The following SPOCD1 variants were observed in gnomAD, a reference collection of about 807,000 sequenced individuals.
The protein encoded by SPOCD1 is SPOC domain-containing protein 1.
Under a neutral mutation model 92.2 loss-of-function variants are expected in SPOCD1, and 64 were observed. That is an observed-to-expected ratio of 0.69 (90% CI 0.57 to 0.86). SPOCD1 has a LOEUF of 0.86. SPOCD1 is among the 40% of genes least tolerant of loss of function. The pLI, the probability that SPOCD1 is intolerant of heterozygous loss-of-function variation, is 0.00. For synonymous variants in SPOCD1, 578 were observed against 619.3 expected (o/e 0.93, Z 0.99); for missense variants, 1,360 against 1,543.1 (o/e 0.88, Z 1.99).
At chr1:31,812,694 T>A (rs1368750819) in intron 2 of SPOCD1, among the ~76,000 whole-genome samples, 1 of 152,186 alleles carries the variant, frequency 6.6e-6, no homozygotes, top group African/African-American at 2.4e-5. Flanking sequence ...AGATTGCAGA[T>A]AAAGTGCTTA....
chr1:31,799,462 A>G lies in SPOCD1; in HGVS notation c.1807T>C (p.Ser603Pro), dbSNP rs1219699506. ...GTGCCCCGCACCCCAATATACAGGG[A>G]TGGCTTCTCCTGTTGGAGCTGAGCT... Reference protein sequence around the residue: ...DSAQLQQEKPSLYIGVRGTVV... With the variant: ...DSAQLQQEKPPLYIGVRGTVV... Residue 603 changes from serine to proline, a missense_variant, in exon 7 of 16, where the codon TCC (serine) becomes CCC (proline). By Grantham distance (74) the Ser-to-Pro change is moderately conservative (BLOSUM62 -1). Coordinates refer to ENST00000360482, the MANE Select transcript of SPOCD1 (RefSeq NM_144569.7). 2.5e-6 allele frequency: 4 copies of G among 1,611,976 alleles called. No individual in the cohort carries two copies. Among genetic ancestry groups the G allele is most frequent in the Non-Finnish European group, 3.4e-6 (4 of 1,179,264 alleles).
Position 31,814,965 on chromosome 1 carries a change from C to T in SPOCD1, c.369G>A (p.Leu123=). 3 of 1,613,982 alleles carry T rather than the reference C, an allele frequency of 1.9e-6. No individual in the cohort carries two copies. The highest frequency in any genetic ancestry group is 1.3e-5 in the African/African-American group (1 of 75,044). The change falls in exon 2 of 16, where the codon CTG becomes CTA. Residue 123 remains leucine, a synonymous_variant. Transcript: ENST00000360482. The surrounding 1 kb of genome is among the most constrained non-coding windows in gnomAD (Gnocchi z 4.2). The part of the protein sequence containing the change: ...ALTSKRLQVS[L]CDILDDSCPR... Reference sequence around the variant, plus strand: ...GGCAACTGTCATCTAAGATGTCACACAGAGAAACCTGGAGCCTCTTGGAGG... The same window carrying T: ...GGCAACTGTCATCTAAGATGTCACATAGAGAAACCTGGAGCCTCTTGGAGG...
In SPOCD1 at chr1:31,800,489, C is replaced by T. The variant is rs761761428; in HGVS notation, c.1554G>A (p.Arg518=). The change falls in exon 4 of 16, where the codon AGG becomes AGA. Residue 518 remains arginine (R), a synonymous_variant. Transcript: ENST00000360482. The stretch of plus-strand genomic sequence containing the variant: ...CCATGGGCCTTTTCTTCCTTCTGAG[C>T]CTCTGGGCAGGTGAGGGTGAGCTGA... ...MEVSSPSPAQ[R]LRRKKRPMVQ... 2 of 1,611,760 alleles carry T rather than the reference C, an allele frequency of 1.2e-6. No homozygotes were observed. Among genetic ancestry groups the T allele is most frequent in the Non-Finnish European group, 1.7e-6 (2 of 1,178,960 alleles).
rs539323280 is a variant in SPOCD1 at position 31,806,187 on chromosome 1, T to C, written c.1384-4482A>G. 2.6e-5 allele frequency among the ~76,000 whole-genome samples: 4 copies of C among 151,332 alleles called. No homozygotes were observed. In the East Asian group the frequency reaches 5.8e-4, roughly 22 times the overall value. ...AAAATTTCATATATCTCTCTAACTATTGATAAATAAAGCTGACAAAATAAT... is the reference window on the plus strand; with the variant it reads ...AAAATTTCATATATCTCTCTAACTACTGATAAATAAAGCTGACAAAATAAT... On this transcript the variant is annotated intron_variant, in intron 2 of 15. Transcript: ENST00000360482.
chr1:31,805,268 G>A (rs1445272485), intron 2 of SPOCD1, among the ~76,000 whole-genome samples: 1 of 151,890 alleles, frequency 6.6e-6, no homozygotes, highest in Non-Finnish European at 1.5e-5. Flanking sequence ...ACAGGTGTGA[G>A]CCCCGAGCCC....
chr1:31,804,985 C>CTTTTTTTTTTTTTTTTTTT (rs1207433481), intron 2 of SPOCD1, among the ~76,000 whole-genome samples: 66 of 105,890 alleles, frequency 6.2e-4, no homozygotes, highest in East Asian at 1.2e-3. Flanking sequence ...TTCTTTCTTT[C>CTTTTTTTTTTTTTTTTTTT]TTTTTTTTTT....
At position 31,814,115 on chromosome 1, in the gene SPOCD1, T is replaced by A. The variant is rs1236455005; in HGVS notation, c.1219A>T (p.Arg407Trp). Residue 407 changes from arginine (R) to tryptophan (W), a missense_variant, in exon 2 of 16, where the codon AGG becomes TGG. Physicochemically the swap from Arg to Trp is moderately radical, Grantham distance 101. Transcript: ENST00000360482. This position sits in a 1 kb window ranked among gnomAD's most constrained non-coding sequence, Gnocchi z 4.2. ...TCCATGAATGGGCCTGAGCAGGCCC[T>A]GCTGGCTTCAGTATCCAGGGAGGAG... is the stretch of plus-strand genomic sequence containing the variant. ...LSSSLDTEAS[R>W]ACSGPFMEQR... 2 of 1,609,432 alleles carry A rather than the reference T, an allele frequency of 1.2e-6. No individual in the cohort carries two copies. Among genetic ancestry groups the A allele is most frequent in the Admixed American group, 3.3e-5 (2 of 59,712 alleles).
intron 6 of SPOCD1, 67 bp from the exon 7 acceptor site, chr1:31,799,552 G>A (rs1430587995): frequency 3.5e-6 from 5 of 1,409,744 alleles, no homozygotes; most frequent in Non-Finnish European, 4.9e-6. Flanking sequence ...CTGACTCAAG[G>A]CTGATGGGTT....
rs771959180 is a variant in SPOCD1, at chr1:31,794,238, G to T, written c.2272-3C>A. ...CAGTCCATGAACATCTGCGGTCCCT[G>T]GGAGGCAGAAGACAGAGGGGCAGGC... On this transcript the variant is annotated splice_region_variant and splice_polypyrimidine_tract_variant and intron_variant, in intron 10 of 15. Coordinates refer to ENST00000360482, the MANE Select transcript of SPOCD1 (RefSeq NM_144569.7). 1 of 1,608,504 alleles carries T rather than the reference G, an allele frequency of 6.2e-7. No individual in the cohort carries two copies. Among genetic ancestry groups the T allele is most frequent in the Non-Finnish European group, 8.5e-7 (1 of 1,175,654 alleles).
chr1:31,796,500 G>A (rs746869167), intron 10 of SPOCD1, 90 bp downstream of exon 10: 8 of 1,600,636 alleles, frequency 5.0e-6, no homozygotes, highest in Non-Finnish European at 6.8e-6. Context: ...GCAGTCAGGT[G>A]ACATGCCCAA....
intron 9 of SPOCD1, among the ~76,000 whole-genome samples, chr1:31,797,236 A>G (rs193258039): frequency 6.6e-6 from 1 of 152,140 alleles, no homozygotes; most frequent in East Asian, 1.9e-4. Flanking sequence ...GATCAATGTC[A>G]CTCTATCTGC....
At position 31,811,922 on chromosome 1, in the gene SPOCD1, AG is replaced by A. The variant is rs1428118890; in HGVS notation, c.1383+2028del. On this transcript the variant is annotated intron_variant, in intron 2 of 15. Coordinates refer to ENST00000360482, the MANE Select transcript of SPOCD1 (RefSeq NM_144569.7). ...CTGGCTCCACCACCGCACTCAAACCAGCCCCCTTAAAGGCTGCAGACCCAGG... is the reference window on the plus strand; with the variant it reads ...CTGGCTCCACCACCGCACTCAAACCACCCCCTTAAAGGCTGCAGACCCAGG... 2.0e-5 allele frequency among the ~76,000 whole-genome samples: 3 copies of A among 152,198 alleles called. No individual in the cohort carries two copies. The East Asian group carries it at 5.8e-4, about 29-fold the overall frequency.
In SPOCD1 at chr1:31,790,580, C is replaced by T; in HGVS notation, c.*23G>A. On this transcript the variant is annotated 3_prime_UTR_variant, in exon 16 of 16. Coordinates refer to ENST00000360482, the MANE Select transcript of SPOCD1 (RefSeq NM_144569.7). The stretch of plus-strand genomic sequence containing the variant: ...CAACACTAGTGAGGGCATCAAAACC[C>T]CTGTTCTGGTGGGTAAGGAGGGTCA... 1.3e-6 allele frequency: 2 copies of T among 1,547,762 alleles called. No individual in the cohort carries two copies. The highest frequency in any genetic ancestry group is 1.7e-6 in the Non-Finnish European group (2 of 1,144,124).
chr1:31,791,339 T>C (rs1307228354), intron 15 of SPOCD1, 48 bp from the exon 16 acceptor site: 5 of 1,404,402 alleles, frequency 3.6e-6, no homozygotes, highest in Non-Finnish European at 1.9e-6. Flanking sequence ...ATCTGGAGCC[T>C]ACATCCCAGG....
intron 3 of SPOCD1, 31 bp from the exon 4 acceptor site, chr1:31,800,648 C>T (rs747881830): frequency 1.4e-5 from 21 of 1,550,128 alleles, no homozygotes; most frequent in Middle Eastern, 1.8e-4. Context: ...CAGAAGCAAG[C>T]GGGGCCAGCC....
At chr1:31,811,422 C>T (rs952126011) in intron 2 of SPOCD1, among the ~76,000 whole-genome samples, 2 of 151,522 alleles carry the variant, frequency 1.3e-5, no homozygotes, top group African/African-American at 4.9e-5. Flanking sequence ...TGTGCTACTG[C>T]ACTCCAGCCT....
At position 31,798,497 on chromosome 1, in the gene SPOCD1, C is replaced by T. The variant is rs1377005936; in HGVS notation, c.1973G>A (p.Arg658Gln). The change falls in exon 8 of 16, where the codon CGG (arginine) becomes CAG (glutamine). Residue 658 changes from arginine to glutamine, a missense_variant. Around this residue, in one of 3 missense-constraint regions of SPOCD1, gnomAD observed 614 missense variants for 757.8 expected, o/e 0.81. Transcript: ENST00000360482. This position sits in a 1 kb window ranked among gnomAD's most constrained non-coding sequence, Gnocchi z 4.1. Reference sequence around the variant, plus strand: ...CAGGCTGCGATACTTGGTCTTGTACCGGCCATTGGTGCCTTGTGTCAGGTC... The same window carrying T: ...CAGGCTGCGATACTTGGTCTTGTACTGGCCATTGGTGCCTTGTGTCAGGTC... ...LWDLTQGTNG[R>Q]YKTKYRSLLF... 5 of 1,613,850 alleles carry T rather than the reference C, an allele frequency of 3.1e-6. No individual in the cohort carries two copies. The highest frequency in any genetic ancestry group is 1.1e-5 in the South Asian group (1 of 91,090).
At chr1:31,800,241 C>G (rs1386242969) in intron 4 of SPOCD1, 100 bp from the exon 5 acceptor site, 17 of 1,509,564 alleles carry the variant, frequency 1.1e-5, no homozygotes, top group Non-Finnish European at 1.2e-5. Context: ...TCCTCCAGTC[C>G]ACCCTGAATT....
rs114914477 is a variant in SPOCD1, at chr1:31,803,957, G to A, written c.1384-2252C>T. Among the ~76,000 whole-genome samples the A allele has an allele frequency of 3.4e-3, 517 of 152,000 alleles. 4 individuals are homozygous for A. Among genetic ancestry groups the A allele is most frequent in the African/African-American group, 0.012 (496 of 41,464 alleles). On this transcript the variant is annotated intron_variant, in intron 2 of 15. Coordinates refer to ENST00000360482, the MANE Select transcript of SPOCD1 (RefSeq NM_144569.7). ...GAGAGAGGAAAGAGAATGGGTAGAA[G>A]CAGTGTTTAAAGAAATAGGGCTAAG...
Sources: allele counts gnomAD v4.1 joint callset (sites outside exome capture counted in the v4.1 genomes callset), GRCh38; gene constraint gnomAD v4.1.1; regional missense constraint gnomAD v4.1.1; non-coding constraint Gnocchi (gnomAD v3.1); transcripts MANE v1.5; gene names NCBI Gene and HGNC (gene_info 2026-07-23, HGNC 2026-07-21).